The following COL24A1 variants were observed in gnomAD, a reference collection of about 807,000 sequenced individuals.
The protein encoded by COL24A1 is collagen alpha-1(XXIV) chain.
Under a neutral mutation model 253.9 loss-of-function variants are expected in COL24A1, and 224 were observed. The observed-to-expected ratio is 0.88, with a 90% CI of 0.79 to 0.99. COL24A1 has a LOEUF of 0.99. Among genes scored for constraint, COL24A1 ranks in the 50% least tolerant of loss-of-function variants. The pLI, the probability that COL24A1 is intolerant of heterozygous loss-of-function variation, is 0.00. For missense variants in COL24A1, 2,131 were observed against 2,068.5 expected (o/e 1.03, Z -0.59); for synonymous variants, 685 against 673.7 (o/e 1.02, Z -0.26).
At chr1:85,828,904 G>T (rs1202788220) in intron 43 of COL24A1, among the ~76,000 whole-genome samples, 1 of 148,688 alleles carries the variant, frequency 6.7e-6, no homozygotes. Context: ...CTTTTAATTG[G>T]AGCATTTAGT....
chr1:85,922,067 A>G (rs1018487720), intron 24 of COL24A1, among the ~76,000 whole-genome samples: 1 of 152,246 alleles, frequency 6.6e-6, no homozygotes, highest in South Asian at 2.1e-4. Context: ...AAAGAGTATC[A>G]GTGATTGAAG....
At chr1:85,806,948 A>G (rs907618340) in intron 47 of COL24A1, among the ~76,000 whole-genome samples, 20 of 152,354 alleles carry the variant, frequency 1.3e-4, no homozygotes, top group Admixed American at 5.2e-4. Context: ...ATATTAATAC[A>G]TCTTCATCTT....
chr1:86,022,355 T>C, intron 17 of COL24A1, 62 bp from the exon 18 acceptor site: 1 of 1,493,320 alleles, frequency 6.7e-7, no homozygotes, highest in Non-Finnish European at 9.3e-7. Flanking sequence ...CATACCACTA[T>C]TTACAAACTG....
intron 5 of COL24A1, among the ~76,000 whole-genome samples, chr1:86,101,021 T>C (rs994157951): frequency 2.0e-5 from 3 of 151,980 alleles, no homozygotes; most frequent in African/African-American, 7.2e-5. Flanking sequence ...ACCCCTGAGC[T>C]TGCAGTTTGT....
intron 4 of COL24A1, among the ~76,000 whole-genome samples, chr1:86,114,639 A>C (rs766068488): frequency 6.6e-6 from 1 of 152,198 alleles, no homozygotes; most frequent in Non-Finnish European, 1.5e-5. Flanking sequence ...ACTATGGACA[A>C]CTTAAAGTAA....
At chr1:85,782,979 C>G (rs1669293270) in intron 51 of COL24A1, among the ~76,000 whole-genome samples, 1 of 152,232 alleles carries the variant, frequency 6.6e-6, no homozygotes, top group Non-Finnish European at 1.5e-5. Context: ...TTTGCAATTA[C>G]AAGCACTCAT....
At chr1:86,020,887 G>A (rs988594543) in intron 18 of COL24A1, among the ~76,000 whole-genome samples, 2 of 152,106 alleles carry the variant, frequency 1.3e-5, no homozygotes, top group Non-Finnish European at 2.9e-5. Flanking sequence ...CAACTCAAGG[G>A]TACAAGGGAG....
At chr1:86,035,820 G>A (rs1034792204) in intron 12 of COL24A1, among the ~76,000 whole-genome samples, 2 of 152,104 alleles carry the variant, frequency 1.3e-5, no homozygotes, top group Non-Finnish European at 2.9e-5. Flanking sequence ...ATTGCCTAGA[G>A]AATGTGCTGT....
At chr1:86,064,366 C>T (rs1701325549) in intron 7 of COL24A1, among the ~76,000 whole-genome samples, 1 of 152,104 alleles carries the variant, frequency 6.6e-6, no homozygotes, top group African/African-American at 2.4e-5. Context: ...ATCTTAATCT[C>T]TATAAATTAA....
chr1:85,888,542 TAA>T (rs1333203882), intron 32 of COL24A1, among the ~76,000 whole-genome samples: 1 of 152,044 alleles, frequency 6.6e-6, no homozygotes, highest in Non-Finnish European at 1.5e-5. Flanking sequence ...TATACTTAAG[TAA>T]ATAATGCTAA....
chr1:85,835,629 A>G (rs888553183), intron 43 of COL24A1, among the ~76,000 whole-genome samples: 1 of 152,188 alleles, frequency 6.6e-6, no homozygotes, highest in African/African-American at 2.4e-5. Context: ...ACATGGATGA[A>G]CTTTTAAAAC....
At chr1:85,927,130 C>A (rs559661433) in intron 24 of COL24A1, among the ~76,000 whole-genome samples, 6 of 152,080 alleles carry the variant, frequency 3.9e-5, no homozygotes, top group Admixed American at 3.3e-4. Context: ...GCGTGAGCGA[C>A]GCAGAAGACG....
chr1:85,854,737 G>A (rs890269227), intron 37 of COL24A1, among the ~76,000 whole-genome samples: 11 of 149,012 alleles, frequency 7.4e-5, no homozygotes, highest in South Asian at 2.1e-4. Context: ...ATAAAGTCTC[G>A]CTCTGTCACC....
At chr1:86,011,072 T>A (rs1215032697) in intron 19 of COL24A1, among the ~76,000 whole-genome samples, 1 of 152,164 alleles carries the variant, frequency 6.6e-6, no homozygotes, top group East Asian at 1.9e-4. Flanking sequence ...CTTTGTCCTA[T>A]ATAGCTTTGC....
chr1:86,134,930 T>A (rs964916813), intron 2 of COL24A1, among the ~76,000 whole-genome samples: 1 of 151,514 alleles, frequency 6.6e-6, no homozygotes, highest in African/African-American at 2.4e-5. Context: ...CGTGGATCTG[T>A]CTAATGCTGA....
At chr1:86,129,620 G>C (rs2102296717) in intron 2 of COL24A1, among the ~76,000 whole-genome samples, 1 of 151,614 alleles carries the variant, frequency 6.6e-6, no homozygotes, top group Non-Finnish European at 1.5e-5. Context: ...TTGTTTTCTG[G>C]AAAGTATTTT....
At chr1:86,033,479 T>A (rs1698750614) in intron 13 of COL24A1, among the ~76,000 whole-genome samples, 1 of 152,140 alleles carries the variant, frequency 6.6e-6, no homozygotes, top group South Asian at 2.1e-4. Context: ...GTAGAATAAT[T>A]TTCTATAAAA....
intron 24 of COL24A1, among the ~76,000 whole-genome samples, chr1:85,919,455 G>T (rs1270442757): frequency 6.6e-6 from 1 of 152,212 alleles, no homozygotes; most frequent in East Asian, 1.9e-4. Context: ...AAGGCAGGAG[G>T]ATTGCTTGAA....
At chr1:85,865,126 C>G (rs1171340632) in intron 37 of COL24A1, among the ~76,000 whole-genome samples, 1 of 151,358 alleles carries the variant, frequency 6.6e-6, no homozygotes, top group East Asian at 1.9e-4. Context: ...TTCTGCAGTC[C>G]TCTAGGAAGT....
Sources: gnomAD v4.1 joint callset for allele counts (sites outside exome capture counted in the v4.1 genomes callset) on GRCh38, gnomAD v4.1.1 for gene constraint, MANE v1.5 for transcripts, NCBI Gene and HGNC (gene_info 2026-07-23, HGNC 2026-07-21) for gene names.